KIF21A: variants seen among roughly 807,000 people sequenced by gnomAD.
The protein encoded by KIF21A is kinesin family member 21A, also known as kinesin-like protein KIF21A.
In KIF21A, 114 loss-of-function variants were observed where a neutral mutation model predicts 202.9. That is an observed-to-expected ratio of 0.56 (90% CI 0.48 to 0.66). The LOEUF (loss-of-function observed/expected upper bound fraction) is 0.66. Among genes scored for constraint, KIF21A ranks in the 30% least tolerant of loss-of-function variants. The pLI is 0.00. For missense variants in KIF21A, 1,677 were observed against 1,994.9 expected, an observed-to-expected ratio of 0.84 and a Z score of 3.04; for synonymous variants, 667 against 670.8, an observed-to-expected ratio of 0.99 and a Z score of 0.09.
At chr12:39,341,955 G>A (rs1947479999) in intron 13 of KIF21A, 79 bp downstream of exon 13, 2 of 941,076 alleles carry the variant, frequency 2.1e-6, no homozygotes, top group Admixed American at 3.8e-5. Flanking sequence ...TTTTCTACAA[G>A]TAAGTTAGTA....
At chr12:39,378,798 A>G (rs375425064) in intron 1 of KIF21A, among the ~76,000 whole-genome samples, 1 of 152,210 alleles carries the variant, frequency 6.6e-6, no homozygotes, top group East Asian at 1.9e-4. Flanking sequence ...ACATATGGTC[A>G]ATGAAATATT....
rs564460088 is a variant in KIF21A, at chr12:39,377,857, G to A, written c.45-7596C>T. 9.9e-5 allele frequency among the ~76,000 whole-genome samples: 15 copies of A among 152,280 alleles called. No homozygotes were observed. The East Asian group carries it at 2.1e-3, about 22-fold the overall frequency. On this transcript the variant is annotated intron_variant, in intron 1 of 37. Transcript: ENST00000361418. ...AAGAACCTGTTTTTAATCCATTAAT[G>A]ATGAACAGCTGTTAAAAGCAATCCA...
intron 31 of KIF21A, among the ~76,000 whole-genome samples, chr12:39,313,806 T>C (rs538712960): frequency 2.0e-5 from 3 of 152,002 alleles, no homozygotes; most frequent in African/African-American, 7.2e-5. Context: ...CTGCATTCTA[T>C]GTAGGCCATA....
Position 39,301,542 on chromosome 12 carries a change from C to G in KIF21A, c.4869G>C (p.Lys1623Asn), listed in dbSNP as rs772438071. 10 of 1,614,016 alleles carry G rather than the reference C, an allele frequency of 6.2e-6. No individual in the cohort carries two copies. The Admixed American group carries it at 1.7e-4, about 27-fold the overall frequency. ...MDTFMPVGEM[K>N]GHDSPINAIC... ...TGGCATTGATAGGACTATCATGACC[C>G]TTCATCTCTCCCACTGGCATAAAAG... The change falls in exon 37 of 38, where the codon AAG (lysine) becomes AAC (asparagine). Residue 1623 changes from lysine to asparagine, a missense_variant. Around this residue, in one of 3 missense-constraint regions of KIF21A, gnomAD observed 705 missense variants for 791.9 expected, o/e 0.89. Coordinates refer to ENST00000361418, the MANE Select transcript of KIF21A (RefSeq NM_001173464.2).
chr12:39,313,465 C>T (rs1276463934), intron 31 of KIF21A, among the ~76,000 whole-genome samples: 2 of 151,774 alleles, frequency 1.3e-5, no homozygotes. Context: ...TCTAATAAAG[C>T]CCATACAATA....
At chr12:39,310,611 A>G (rs765506378) in intron 32 of KIF21A, among the ~76,000 whole-genome samples, 1 of 151,964 alleles carries the variant, frequency 6.6e-6, no homozygotes, top group South Asian at 2.1e-4. Context: ...CTCCACTTTT[A>G]TCTTCATGTC....
At chr12:39,326,671 T>C (rs1477381784) in intron 24 of KIF21A, among the ~76,000 whole-genome samples, 2 of 152,216 alleles carry the variant, frequency 1.3e-5, no homozygotes, top group African/African-American at 4.8e-5. Flanking sequence ...TGTTTAAAAA[T>C]ATAAAGTAAA....
intron 1 of KIF21A, among the ~76,000 whole-genome samples, chr12:39,405,679 T>A (rs1025222590): frequency 1.3e-5 from 2 of 152,104 alleles, no homozygotes; most frequent in Non-Finnish European, 2.9e-5. Flanking sequence ...CAGCTGCTTT[T>A]AAAAAGCGTA....
At chr12:39,378,384 A>G (rs1950397358) in intron 1 of KIF21A, among the ~76,000 whole-genome samples, 1 of 152,078 alleles carries the variant, frequency 6.6e-6, no homozygotes, top group South Asian at 2.1e-4. Context: ...CAAAATAAAG[A>G]AAAAAAATAG....
intron 11 of KIF21A, among the ~76,000 whole-genome samples, chr12:39,350,571 C>T (rs966401402): frequency 2.6e-5 from 4 of 151,874 alleles, no homozygotes; most frequent in African/African-American, 9.7e-5. Context: ...ACACTACTTT[C>T]GATAATCCTA....
intron 29 of KIF21A, among the ~76,000 whole-genome samples, chr12:39,316,213 T>A (rs1303389389): frequency 6.6e-6 from 1 of 152,144 alleles, no homozygotes; most frequent in Non-Finnish European, 1.5e-5. Flanking sequence ...CTAATACTGA[T>A]ATACAAAATC....
In KIF21A at chr12:39,443,046, G is replaced by C. The variant is rs999388710; in HGVS notation, c.-76C>G. ...AGGCGCCACTGGGGCCGCGGGACTC[G>C]GGCGCAGTAGGCTGGGGCGTCTGCG... On this transcript the variant is annotated 5_prime_UTR_variant, in exon 1 of 38. Coordinates refer to ENST00000361418, the MANE Select transcript of KIF21A (RefSeq NM_001173464.2). The C allele has an allele frequency of 3.0e-5, 44 of 1,447,570 alleles. No individual in the cohort carries two copies. The highest frequency in any genetic ancestry group is 1.0e-5 in the Non-Finnish European group (11 of 1,094,414). The allele number at this position is 1,447,570 out of a possible 1,614,324, so 89.7% of individuals were successfully genotyped here.
intron 6 of KIF21A, among the ~76,000 whole-genome samples, chr12:39,364,114 C>T (rs966246607): frequency 6.6e-6 from 1 of 152,196 alleles, no homozygotes; most frequent in East Asian, 1.9e-4. Context: ...TGCCACCCTG[C>T]TGTTTTTCCT....
Position 39,416,741 on chromosome 12 carries a change from A to ATATATGTACATATATATGTG in KIF21A, c.44+26185_44+26186insCACATATATATGTACATATA, listed in dbSNP as rs1566269004. ...TATATATGTACATATATATGTGTAT[A>ATATATGTACATATATATGTG]TATATATGTACATATATATGTGTAT... On this transcript the variant is annotated intron_variant, in intron 1 of 37. Transcript: ENST00000361418. Among the ~76,000 whole-genome samples, 179 of 134,168 alleles carry ATATATGTACATATATATGTG rather than the reference A, an allele frequency of 1.3e-3. 15 individuals are homozygous for ATATATGTACATATATATGTG. The highest frequency in any genetic ancestry group is 4.8e-3 in the African/African-American group (158 of 33,206). The allele number at this position is 134,168 out of a possible 152,430, so 88.0% of individuals were successfully genotyped here. A position where few individuals can be genotyped will look rare whatever the true frequency, so the allele number is the denominator to read the frequency against.
chr12:39,309,749 ATACTT>A lies in KIF21A; in HGVS notation c.4109_4113del (p.Lys1370MetfsTer26). ...ATTTCCTGCCCAGTCACCAGATTCCATACTTTACAAGTACGATCTAAAACAAACAC... is the reference window on the plus strand; with the variant it reads ...ATTTCCTGCCCAGTCACCAGATTCCATACAAGTACGATCTAAAACAAACAC... On this transcript the variant is annotated frameshift_variant, in exon 33 of 38. Transcript: ENST00000361418. LOFTEE classifies it high-confidence loss of function. 6.2e-7 allele frequency: 1 copy of A among 1,613,232 alleles called. No homozygotes were observed. Among genetic ancestry groups the A allele is most frequent in the Non-Finnish European group, 8.5e-7 (1 of 1,179,618 alleles).
chr12:39,415,878 C>G (rs1953535852), intron 1 of KIF21A, among the ~76,000 whole-genome samples: 1 of 152,210 alleles, frequency 6.6e-6, no homozygotes, highest in Non-Finnish European at 1.5e-5. Context: ...TCTGCTTAGA[C>G]AGCTCTTCCT....
intron 23 of KIF21A, 57 bp from the exon 24 acceptor site, chr12:39,330,319 C>A (rs1946403452): frequency 2.6e-6 from 4 of 1,514,994 alleles, no homozygotes; most frequent in Admixed American, 1.7e-5. Flanking sequence ...AAAACAGATC[C>A]AATGTTAAAA....
At chr12:39,386,431 C>A (rs961895202) in intron 1 of KIF21A, among the ~76,000 whole-genome samples, 3 of 152,152 alleles carry the variant, frequency 2.0e-5, no homozygotes, top group Admixed American at 6.6e-5. Flanking sequence ...GAAATGTAAA[C>A]TTCTTTTCTA....
In KIF21A at chr12:39,311,485, G is replaced by A. The variant is rs761705954; in HGVS notation, c.4028C>T (p.Ala1343Val). 1 of 1,613,042 alleles carries A rather than the reference G, an allele frequency of 6.2e-7. No homozygotes were observed. The highest frequency in any genetic ancestry group is 8.5e-7 in the Non-Finnish European group (1 of 1,179,154). ...GAGCACAGCTTTTGTATGCCCTTCA[G>A]CTATGTGAATACACTGAAGTGGAAA... ...RAFPLQCIHI[A>V]EGHTKAVLCV... Residue 1343 changes from alanine to valine, a missense_variant, in exon 32 of 38, where the codon GCT (alanine) becomes GTT (valine). Ala to Val is a moderately conservative substitution (Grantham distance 64, BLOSUM62 0). Around this residue, in one of 3 missense-constraint regions of KIF21A, gnomAD observed 705 missense variants for 791.9 expected, o/e 0.89. Coordinates refer to ENST00000361418, the MANE Select transcript of KIF21A (RefSeq NM_001173464.2).
Sources: allele counts gnomAD v4.1 joint callset (sites outside exome capture counted in the v4.1 genomes callset), GRCh38; gene constraint gnomAD v4.1.1; regional missense constraint gnomAD v4.1.1; transcripts MANE v1.5; gene names NCBI Gene and HGNC (gene_info 2026-07-23, HGNC 2026-07-21).